Variants in PCDH15 observed in about 807,000 individuals in gnomAD.
PCDH15 encodes the protein protocadherin related 15.
PCDH15 carries 129 observed loss-of-function variants against 178.5 expected under a neutral mutation model. The ratio of observed to expected loss-of-function variants is 0.72; its 90% CI spans 0.63 to 0.84. The LOEUF (loss-of-function observed/expected upper bound fraction) is 0.84, where lower values mean the gene tolerates loss of function less well. Among genes scored for constraint, PCDH15 ranks in the 40% least tolerant of loss-of-function variants. The pLI, the probability that PCDH15 is intolerant of heterozygous loss-of-function variation, is 0.00. For synonymous variants in PCDH15, 800 were observed against 732.0 expected (o/e 1.09, Z -1.50); for missense variants, 2,230 against 2,099.9 (o/e 1.06, Z -1.21).
At chr10:54,125,316 A>G (rs1340730077) in intron 15 of PCDH15, among the ~76,000 whole-genome samples, 1 of 152,340 alleles carries the variant, frequency 6.6e-6, no homozygotes, top group East Asian at 1.9e-4. Context: ...AAAGCATCAG[A>G]GCGAGTCACC....
chr10:54,539,043 C>T (rs887862572), intron 2 of PCDH15, among the ~76,000 whole-genome samples: 1 of 152,148 alleles, frequency 6.6e-6, no homozygotes, highest in African/African-American at 2.4e-5. Context: ...ATTGATTCTT[C>T]CAGTCAATGA....
chr10:55,141,059 G>A (rs1305868773), intron 2 of PCDH15, among the ~76,000 whole-genome samples: 1 of 151,544 alleles, frequency 6.6e-6, no homozygotes, highest in Non-Finnish European at 1.5e-5. Flanking sequence ...CTTGCTCTGG[G>A]TTCACCCACC....
intron 2 of PCDH15, among the ~76,000 whole-genome samples, chr10:55,519,011 T>A (rs1841088185): frequency 6.9e-6 from 1 of 145,918 alleles, no homozygotes; most frequent in South Asian, 2.2e-4. Context: ...GAAGAATCAC[T>A]TGAACCAGGG....
intron 3 of PCDH15, among the ~76,000 whole-genome samples, chr10:54,893,176 T>C (rs1468283940): frequency 1.2e-4 from 18 of 152,000 alleles, no homozygotes; most frequent in Admixed American, 5.9e-4. Context: ...CATGTGTTCA[T>C]AGTAAATAGG....
chr10:54,620,022 A>G (rs2093307238), intron 2 of PCDH15, among the ~76,000 whole-genome samples: 1 of 152,094 alleles, frequency 6.6e-6, no homozygotes, highest in South Asian at 2.1e-4. Flanking sequence ...ACATGGGAAA[A>G]TTATATAAAA....
chr10:53,888,576 GTT>G (rs71004492), intron 26 of PCDH15, among the ~76,000 whole-genome samples: 4,054 of 39,378 alleles, frequency 0.1, 341 homozygotes, highest in East Asian at 0.23. Context: ...GATTTTGTCT[GTT>G]TTTTTTTTTT....
At chr10:55,215,498 CCTT>C (rs1318133033) in intron 1 of PCDH15, among the ~76,000 whole-genome samples, 1 of 151,990 alleles carries the variant, frequency 6.6e-6, no homozygotes, top group Non-Finnish European at 1.5e-5. Context: ...TTACTTCCCT[CCTT>C]GTTAATTTAG....
chr10:54,766,007 T>C (rs555263868), intron 1 of PCDH15, among the ~76,000 whole-genome samples: 1 of 152,124 alleles, frequency 6.6e-6, no homozygotes, highest in South Asian at 2.1e-4. Flanking sequence ...ACACCAAGAA[T>C]CATCACTTTT....
chr10:55,030,118 A>C (rs1564731970), intron 2 of PCDH15, among the ~76,000 whole-genome samples: 1 of 152,206 alleles, frequency 6.6e-6, no homozygotes, highest in Non-Finnish European at 1.5e-5. Flanking sequence ...TGTTTTGGAC[A>C]CATAGAAATT....
chr10:55,347,058 A>T (rs1475016635), intron 2 of PCDH15, among the ~76,000 whole-genome samples: 1 of 150,512 alleles, frequency 6.6e-6, no homozygotes, highest in Non-Finnish European at 1.5e-5. Context: ...TACAAAAAAT[A>T]AAAAAAATTA....
At chr10:54,515,846 C>G (rs570841988) in intron 3 of PCDH15, among the ~76,000 whole-genome samples, 1 of 152,154 alleles carries the variant, frequency 6.6e-6, no homozygotes, top group African/African-American at 2.4e-5. Flanking sequence ...CTACAGCCAC[C>G]GCTGTTCTGC....
chr10:55,548,481 T>C (rs1442472800), intron 2 of PCDH15, among the ~76,000 whole-genome samples: 1 of 152,098 alleles, frequency 6.6e-6, no homozygotes, highest in East Asian at 1.9e-4. Flanking sequence ...GTCTGAAATG[T>C]AAATCTGAAA....
intron 5 of PCDH15, among the ~76,000 whole-genome samples, chr10:54,360,621 T>TATTCAGTCAATTATAA: frequency 6.6e-6 from 1 of 152,294 alleles, no homozygotes; most frequent in African/African-American, 2.4e-5. Flanking sequence ...AAAGGTTATA[T>TATTCAGTCAATTATAA]ATTCAGTCAA....
chr10:55,078,539 G>C lies in PCDH15; in HGVS notation c.-80+88037C>G, dbSNP rs545864278. Reference sequence around the variant, plus strand: ...TTTTTTCTTTATTTTTGACTGACTGGGTTATTTCAGAATACCTGTCTTCAA... The same window carrying C: ...TTTTTTCTTTATTTTTGACTGACTGCGTTATTTCAGAATACCTGTCTTCAA... On this transcript the variant is annotated intron_variant, in intron 2 of 5. Transcript: ENST00000458638. Among the ~76,000 whole-genome samples the C allele has an allele frequency of 4.6e-5, 7 of 151,516 alleles. No individual in the cohort carries two copies. In the South Asian group the frequency reaches 1.5e-3, roughly 32 times the overall value.
At chr10:54,930,966 G>T (rs1193111791) in intron 2 of PCDH15, among the ~76,000 whole-genome samples, 2 of 152,136 alleles carry the variant, frequency 1.3e-5, no homozygotes, top group African/African-American at 4.8e-5. Flanking sequence ...TCAGAATTAT[G>T]AATTAGCATG....
intron 3 of PCDH15, among the ~76,000 whole-genome samples, chr10:54,520,517 C>T (rs2082733419): frequency 6.6e-6 from 1 of 152,050 alleles, no homozygotes; most frequent in Non-Finnish European, 1.5e-5. Flanking sequence ...CAATGAGATA[C>T]CATCTCACAC....
intron 11 of PCDH15, among the ~76,000 whole-genome samples, chr10:54,188,641 G>A (rs1482883644): frequency 6.6e-6 from 1 of 151,694 alleles, no homozygotes; most frequent in East Asian, 1.9e-4. Context: ...AAATGCAAAA[G>A]TAAATGCATA....
At chr10:55,248,840 A>C (rs1564930838) in intron 1 of PCDH15, among the ~76,000 whole-genome samples, 1 of 152,174 alleles carries the variant, frequency 6.6e-6, no homozygotes, top group East Asian at 1.9e-4. Flanking sequence ...TACAGGCATG[A>C]GCCACCATGC....
chr10:54,638,305 G>T (rs1414873308), intron 2 of PCDH15, among the ~76,000 whole-genome samples: 1 of 151,954 alleles, frequency 6.6e-6, no homozygotes, highest in Non-Finnish European at 1.5e-5. Context: ...TTACAATCTA[G>T]TAAACAAGTT....
Sources: gnomAD v4.1 joint callset for allele counts (sites outside exome capture counted in the v4.1 genomes callset) on GRCh38, gnomAD v4.1.1 for gene constraint, MANE v1.5 for transcripts, NCBI Gene and HGNC (gene_info 2026-07-23, HGNC 2026-07-21) for gene names.